CLYBL: variants seen among roughly 807,000 people sequenced by gnomAD.
The protein encoded by CLYBL is citramalyl-CoA lyase, also known as citramalyl-CoA lyase, mitochondrial.
Under a neutral mutation model 38.9 loss-of-function variants are expected in CLYBL, and 31 were observed. That is an observed-to-expected ratio of 0.80 (90% CI 0.60 to 1.08). CLYBL has a LOEUF of 1.08. Ranked by LOEUF, CLYBL falls within the 50% of genes least tolerant of loss-of-function variation. CLYBL has a pLI of 0.00. For synonymous variants in CLYBL, 171 were observed against 158.6 expected, an observed-to-expected ratio of 1.08 and a Z score of -0.59; for missense variants, 434 against 411.6, an observed-to-expected ratio of 1.05 and a Z score of -0.47.
chr13:99,816,177 T>C lies in CLYBL; in HGVS notation c.250-42684T>C, dbSNP rs112812111. 5.6e-3 allele frequency among the ~76,000 whole-genome samples: 851 copies of C among 152,370 alleles called. 15 individuals are homozygous for C. The highest frequency in any genetic ancestry group is 0.02 in the African/African-American group (819 of 41,578). The stretch of plus-strand genomic sequence containing the variant: ...CAGTCTAAGCTCTGGCTATAACTTC[T>C]ATATTTGGCATAAACAACAGTCACC... On this transcript the variant is annotated intron_variant, in intron 2 of 8. Transcript: ENST00000339105.
At chr13:99,635,577 C>T (rs1190195700) in intron 1 of CLYBL, among the ~76,000 whole-genome samples, 1 of 152,172 alleles carries the variant, frequency 6.6e-6, no homozygotes, top group East Asian at 1.9e-4. Flanking sequence ...TCATTCTCAC[C>T]TCCAGAGATG....
chr13:99,800,351 A>T (rs1464856790), intron 2 of CLYBL, among the ~76,000 whole-genome samples: 1 of 152,174 alleles, frequency 6.6e-6, no homozygotes, highest in Non-Finnish European at 1.5e-5. Context: ...ATTTTACCTG[A>T]GGAGGTGAGA....
chr13:99,786,204 T>A, intron 2 of CLYBL, among the ~76,000 whole-genome samples: 1 of 151,014 alleles, frequency 6.6e-6, no homozygotes, highest in East Asian at 1.9e-4. Context: ...GCTTTCCTTT[T>A]TTTTTTTTTT....
chr13:99,817,907 G>A (rs1421681598), intron 2 of CLYBL, among the ~76,000 whole-genome samples: 2 of 152,006 alleles, frequency 1.3e-5, no homozygotes, highest in East Asian at 1.9e-4. Context: ...GGGAGTCTGA[G>A]GCAGGAGGAT....
intron 1 of CLYBL, among the ~76,000 whole-genome samples, chr13:99,623,652 G>C (rs2046828343): frequency 1.3e-5 from 2 of 152,122 alleles, no homozygotes; most frequent in African/African-American, 4.8e-5. Context: ...TCAGATCCAA[G>C]GTCCATTTAG....
At chr13:99,631,357 G>GTGTGTGTA (rs1427283429) in intron 1 of CLYBL, among the ~76,000 whole-genome samples, 21 of 151,446 alleles carry the variant, frequency 1.4e-4, no homozygotes, top group African/African-American at 4.9e-4. Flanking sequence ...GTGTGTGTGT[G>GTGTGTGTA]TGTGTGTATG....
chr13:99,878,763 A>G (rs541199948), intron 7 of CLYBL, among the ~76,000 whole-genome samples: 1 of 152,354 alleles, frequency 6.6e-6, no homozygotes, highest in East Asian at 1.9e-4. Context: ...TCACCTCAAT[A>G]CATAGCTTTC....
chr13:99,789,706 T>C (rs1277039277), intron 2 of CLYBL, among the ~76,000 whole-genome samples: 7 of 152,210 alleles, frequency 4.6e-5, no homozygotes, highest in Non-Finnish European at 7.3e-5. Flanking sequence ...TGTAGATGTC[T>C]ATTAGGTCCG....
chr13:99,683,418 T>C (rs2047767498), intron 1 of CLYBL, among the ~76,000 whole-genome samples: 1 of 152,254 alleles, frequency 6.6e-6, no homozygotes, highest in East Asian at 1.9e-4. Flanking sequence ...ATGACTCTTT[T>C]ATAGTAACAG....
chr13:99,772,827 A>G lies in CLYBL; in HGVS notation c.66A>G (p.Lys22=), dbSNP rs765576530. The part of the protein sequence containing the change: ...GAAAAALLRL[K]ASLAADIPRL... ...ACCCCAATCACGTGTCTTGCAGGAA[A>G]GCGTCTCTAGCAGCTGATATCCCCA... Residue 22 remains lysine, a synonymous_variant, in exon 2 of 9, where the codon AAA becomes AAG. Transcript: ENST00000339105. The G allele has an allele frequency of 1.3e-6, 2 of 1,588,030 alleles. No homozygotes were observed. Among genetic ancestry groups the G allele is most frequent in the Non-Finnish European group, 1.7e-6 (2 of 1,173,020 alleles).
intron 1 of CLYBL, among the ~76,000 whole-genome samples, chr13:99,667,809 C>T (rs1193050327): frequency 6.6e-6 from 1 of 152,200 alleles, no homozygotes; most frequent in Non-Finnish European, 1.5e-5. Flanking sequence ...AAACAAAAAT[C>T]TTTCTACTAT....
At position 99,623,858 on chromosome 13, in the gene CLYBL, C is replaced by T. The variant is rs2046831213; in HGVS notation, c.62+17101C>T. On this transcript the variant is annotated intron_variant, in intron 1 of 8. Transcript: ENST00000339105. Reference sequence around the variant, plus strand: ...CCTGTAATCCCAGCTACTCGGGAGGCTGAGGCAGGAGAATCGCTTTAACCT... The same window carrying T: ...CCTGTAATCCCAGCTACTCGGGAGGTTGAGGCAGGAGAATCGCTTTAACCT... 2.7e-5 allele frequency among the ~76,000 whole-genome samples: 4 copies of T among 150,830 alleles called. No homozygotes were observed. The South Asian group carries it at 8.3e-4, about 31-fold the overall frequency.
chr13:99,790,930 G>A (rs888553268), intron 2 of CLYBL, among the ~76,000 whole-genome samples: 17 of 152,104 alleles, frequency 1.1e-4, no homozygotes, highest in South Asian at 4.1e-4. Flanking sequence ...CCTGAGAAAC[G>A]GCTTCCTTCT....
intron 1 of CLYBL, among the ~76,000 whole-genome samples, chr13:99,664,551 C>G (rs2047453419): frequency 6.6e-6 from 1 of 152,126 alleles, no homozygotes; most frequent in Admixed American, 6.5e-5. Context: ...TTTCCATGTA[C>G]TTTTATAAAC....
At chr13:99,808,985 G>T (rs948863596) in intron 2 of CLYBL, among the ~76,000 whole-genome samples, 1 of 152,104 alleles carries the variant, frequency 6.6e-6, no homozygotes, top group Non-Finnish European at 1.5e-5. Context: ...ATCTAGCACA[G>T]CTGGACACAC....
In CLYBL at chr13:99,871,160, T is replaced by C. The variant is rs2051884125; in HGVS notation, c.927+98T>C. The stretch of plus-strand genomic sequence containing the variant: ...TGTGTGAATGGTTTAAGAAAACTCA[T>C]CGTATCTGGAGAGGGGGGAAAGGGA... On this transcript the variant is annotated intron_variant, in intron 7 of 8. Transcript: ENST00000339105. 8.7e-6 allele frequency: 12 copies of C among 1,382,490 alleles called. No homozygotes were observed. In the South Asian group the frequency reaches 1.4e-4, roughly 16 times the overall value. 85.6% of individuals were successfully genotyped at this position (1,382,490 alleles called of 1,614,324 possible). A position where few individuals can be genotyped will look rare whatever the true frequency, so the allele number is the denominator to read the frequency against.
downstream of CLYBL, among the ~76,000 whole-genome samples, chr13:99,897,346 C>A (rs2052593894): frequency 6.6e-6 from 1 of 152,162 alleles, no homozygotes; most frequent in South Asian, 2.1e-4. Context: ...TGCTCATACG[C>A]AGGGAACTGG....
downstream of CLYBL, chr13:99,895,247 G>A (rs2052559971): frequency 6.6e-6 from 1 of 150,790 alleles, no homozygotes; most frequent in Admixed American, 6.6e-5. Context: ...AAAAATACGG[G>A]TTTGTTTTAA....
In CLYBL at chr13:99,857,272, G is replaced by A. The variant is rs535146698; in HGVS notation, c.250-1589G>A. On this transcript the variant is annotated intron_variant, in intron 2 of 8. Coordinates refer to ENST00000339105, the MANE Select transcript of CLYBL (RefSeq NM_206808.5). ...AGAGATTGCAGTGAGCCGAGATTGCGCCACTGCACTCCAGCCTGGGTGACA... is the reference window on the plus strand; with the variant it reads ...AGAGATTGCAGTGAGCCGAGATTGCACCACTGCACTCCAGCCTGGGTGACA... Among the ~76,000 whole-genome samples the A allele has an allele frequency of 1.1e-4, 17 of 152,154 alleles. No individual in the cohort carries two copies. The South Asian group carries it at 2.3e-3, about 20-fold the overall frequency.
Sources: allele counts gnomAD v4.1 joint callset (sites outside exome capture counted in the v4.1 genomes callset), GRCh38; gene constraint gnomAD v4.1.1; transcripts MANE v1.5; gene names NCBI Gene and HGNC (gene_info 2026-07-23, HGNC 2026-07-21).